Variants in NFATC3 observed in about 807,000 individuals in gnomAD.
The protein encoded by NFATC3 is nuclear factor of activated T-cells, cytoplasmic 3.
NFATC3 carries 46 observed loss-of-function variants against 98.6 expected under a neutral mutation model. The ratio of observed to expected loss-of-function variants is 0.47; its 90% CI spans 0.37 to 0.60. The LOEUF is 0.60. Among genes scored for constraint, NFATC3 ranks in the 20% least tolerant of loss-of-function variants. The pLI is 0.00. For missense variants in NFATC3, 1,256 were observed against 1,295.5 expected, an observed-to-expected ratio of 0.97 and a Z score of 0.47; for synonymous variants, 512 against 472.2, an observed-to-expected ratio of 1.08 and a Z score of -1.09.
chr16:68,138,772 C>T, intron 3 of NFATC3: 1 of 1,275,176 alleles, frequency 7.8e-7, no homozygotes, highest in Non-Finnish European at 1.0e-6. Flanking sequence ...TAATATAGAA[C>T]TCTATACTTA....
chr16:68,089,182 A>T (rs985355578), intron 1 of NFATC3: 5 of 985,432 alleles, frequency 5.1e-6, no homozygotes, highest in Middle Eastern at 5.2e-4. Flanking sequence ...TACAGTGAGA[A>T]GATTTTTGAA....
At chr16:68,221,066 A>G in intron 9 of NFATC3, 2 of 1,007,062 alleles carry the variant, frequency 2.0e-6, no homozygotes, top group East Asian at 5.4e-5. Context: ...GTTTAAATAA[A>G]TTAGCAAATT....
At chr16:68,196,146 T>C (rs748422186) in intron 9 of NFATC3, among the ~76,000 whole-genome samples, 1 of 152,168 alleles carries the variant, frequency 6.6e-6, no homozygotes, top group Non-Finnish European at 1.5e-5. Context: ...TTTATTGATA[T>C]GGAGTCTCTA....
intron 8 of NFATC3, among the ~76,000 whole-genome samples, chr16:68,189,732 C>A (rs1179713012): frequency 1.3e-5 from 2 of 152,096 alleles, no homozygotes; most frequent in Non-Finnish European, 2.9e-5. Flanking sequence ...ATGGTTAAAT[C>A]ATTTCTGAGT....
chr16:68,194,435 A>G (rs2040575164), intron 9 of NFATC3, among the ~76,000 whole-genome samples: 1 of 152,244 alleles, frequency 6.6e-6, no homozygotes, highest in Non-Finnish European at 1.5e-5. Flanking sequence ...CACAGCTGGC[A>G]TAAGTGTCAC....
At chr16:68,131,685 G>A (rs891224169) in intron 3 of NFATC3, among the ~76,000 whole-genome samples, 8 of 149,260 alleles carry the variant, frequency 5.4e-5, no homozygotes, top group African/African-American at 1.7e-4. Flanking sequence ...ACAGGGTCTC[G>A]CTATATTGCC....
At chr16:68,087,792 G>A (rs1048345201) in intron 1 of NFATC3, among the ~76,000 whole-genome samples, 2 of 152,056 alleles carry the variant, frequency 1.3e-5, no homozygotes, top group East Asian at 1.9e-4. Context: ...ATATAAATAG[G>A]ATAATATAAT....
intron 9 of NFATC3, among the ~76,000 whole-genome samples, chr16:68,198,272 C>T (rs2040756788): frequency 6.6e-6 from 1 of 152,058 alleles, no homozygotes; most frequent in African/African-American, 2.4e-5. Flanking sequence ...GAGTGGTGAT[C>T]ATGCTACTAC....
intron 1 of NFATC3, among the ~76,000 whole-genome samples, chr16:68,098,300 ATTT>A (rs200355791): frequency 4.7e-4 from 44 of 94,308 alleles, no homozygotes; most frequent in African/African-American, 8.2e-4. Context: ...TATTATTATT[ATTT>A]TTTTTTTTTT....
At chr16:68,095,190 G>T (rs2034947595) in intron 1 of NFATC3, among the ~76,000 whole-genome samples, 1 of 151,606 alleles carries the variant, frequency 6.6e-6, no homozygotes, top group African/African-American at 2.4e-5. Flanking sequence ...GCAACTGAGG[G>T]ACTTAAAAAA....
intron 4 of NFATC3, among the ~76,000 whole-genome samples, chr16:68,160,582 G>T (rs1356989716): frequency 6.6e-6 from 1 of 152,140 alleles, no homozygotes; most frequent in East Asian, 1.9e-4. Context: ...GCCTGCTTTG[G>T]TTCAGATGGA....
At chr16:68,190,668 C>T (rs2040396759) in intron 8 of NFATC3, 100 bp from the exon 9 acceptor site, 6 of 1,263,868 alleles carry the variant, frequency 4.7e-6, no homozygotes, top group Non-Finnish European at 6.5e-6. Context: ...TTGAGTTTGC[C>T]CCTCAGCTTA....
chr16:68,118,232 A>G (rs561335075), intron 1 of NFATC3, among the ~76,000 whole-genome samples: 2 of 152,282 alleles, frequency 1.3e-5, no homozygotes, highest in Admixed American at 1.3e-4. Context: ...CAAAAAGGCC[A>G]TCTCTGTAAT....
chr16:68,221,285 G>A, intron 9 of NFATC3: 1 of 1,614,010 alleles, frequency 6.2e-7, no homozygotes, highest in East Asian at 2.2e-5. Flanking sequence ...GAATCTAGAG[G>A]TGAGAGCCTG....
intron 9 of NFATC3, among the ~76,000 whole-genome samples, chr16:68,222,061 A>G (rs1184062287): frequency 6.6e-6 from 1 of 151,932 alleles, no homozygotes. Flanking sequence ...AGGCTGAGGC[A>G]GGAGGATCAC....
At chr16:68,192,075 G>A (rs946791961) in intron 9 of NFATC3, 1 of 254,250 alleles carries the variant, frequency 3.9e-6, no homozygotes, top group South Asian at 4.8e-5. Flanking sequence ...AGGCATGGTG[G>A]TGTGTGACTA....
chr16:68,204,681 A>G (rs921188926), intron 9 of NFATC3, among the ~76,000 whole-genome samples: 1 of 152,254 alleles, frequency 6.6e-6, no homozygotes, highest in Admixed American at 6.5e-5. Context: ...CGTAAAGACA[A>G]TAGCATTGTA....
At chr16:68,189,567 A>G (rs993987574) in intron 8 of NFATC3, 1 of 152,050 alleles carries the variant, frequency 6.6e-6, no homozygotes, top group African/African-American at 2.4e-5. Flanking sequence ...ACTCAAGGAC[A>G]TTTTTTTTAA....
At chr16:68,123,733 C>T (rs2036672162) in intron 2 of NFATC3, among the ~76,000 whole-genome samples, 1 of 151,988 alleles carries the variant, frequency 6.6e-6, no homozygotes, top group South Asian at 2.1e-4. Context: ...GGCGTGGTGT[C>T]TCATGCCTGT....
Sources: gnomAD v4.1 joint callset for allele counts (sites outside exome capture counted in the v4.1 genomes callset) on GRCh38, gnomAD v4.1.1 for gene constraint, MANE v1.5 for transcripts, NCBI Gene and HGNC (gene_info 2026-07-23, HGNC 2026-07-21) for gene names.